The following ADAMTSL3 variants were observed in gnomAD, a reference collection of about 807,000 sequenced individuals.
The protein encoded by ADAMTSL3 is ADAMTS-like protein 3.
In ADAMTSL3, 128 loss-of-function variants were observed where a neutral mutation model predicts 201.7. The observed-to-expected ratio is 0.63, with a 90% confidence interval of 0.55 to 0.73. ADAMTSL3 has a LOEUF of 0.73. ADAMTSL3 is among the 30% of genes least tolerant of loss of function. The pLI is 0.00. For missense variants in ADAMTSL3, 1,990 were observed against 2,119.6 expected (o/e 0.94, Z 1.20); for synonymous variants, 738 against 748.4 (o/e 0.99, Z 0.23).
chr15:83,986,187 G>T (rs918166613), intron 21 of ADAMTSL3, among the ~76,000 whole-genome samples: 1 of 152,126 alleles, frequency 6.6e-6, no homozygotes, highest in Non-Finnish European at 1.5e-5. Flanking sequence ...CATGGACTAT[G>T]CTTTGAAGAC....
At chr15:83,882,240 A>G (rs1422150425) in intron 9 of ADAMTSL3, among the ~76,000 whole-genome samples, 2 of 152,154 alleles carry the variant, frequency 1.3e-5, no homozygotes, top group Non-Finnish European at 2.9e-5. Context: ...CATTGGGGAG[A>G]TTCATCAGAA....
chr15:83,685,469 A>G (rs189537735), intron 2 of ADAMTSL3, among the ~76,000 whole-genome samples: 3 of 152,336 alleles, frequency 2.0e-5, no homozygotes, highest in Admixed American at 1.3e-4. Flanking sequence ...GAATGGAAGG[A>G]TGATTACTGA....
intron 27 of ADAMTSL3, 128 bp from the exon 28 acceptor site, chr15:84,031,207 C>G (rs1276572771): frequency 1.3e-5 from 11 of 872,462 alleles, no homozygotes; most frequent in Non-Finnish European, 1.7e-5. Context: ...TTAACTCCCC[C>G]CTGGGGACAG....
intron 4 of ADAMTSL3, among the ~76,000 whole-genome samples, chr15:83,777,693 C>G (rs757467145): frequency 2.0e-5 from 3 of 152,204 alleles, no homozygotes; most frequent in Non-Finnish European, 4.4e-5. Context: ...AGAACCCTAA[C>G]AACTCAAAAA....
intron 3 of ADAMTSL3, among the ~76,000 whole-genome samples, chr15:83,751,246 A>G (rs1045909688): frequency 3.3e-5 from 5 of 152,238 alleles, no homozygotes; most frequent in Non-Finnish European, 5.9e-5. Context: ...CTTTGAGTCA[A>G]TGATGAATAT....
At chr15:84,037,114 C>T in intron 29 of ADAMTSL3, 127 bp downstream of exon 29, 7 of 1,005,706 alleles carry the variant, frequency 7.0e-6, no homozygotes, top group African/African-American at 1.6e-5. Context: ...AGGGGCTATT[C>T]AGAATGGATT....
intron 3 of ADAMTSL3, among the ~76,000 whole-genome samples, chr15:83,753,574 G>C (rs569797347): frequency 6.6e-6 from 1 of 152,134 alleles, no homozygotes; most frequent in African/African-American, 2.4e-5. Flanking sequence ...ATGTGAAATG[G>C]CTAACCATGG....
chr15:83,930,751 A>C (rs2066340253), intron 17 of ADAMTSL3, among the ~76,000 whole-genome samples: 1 of 152,222 alleles, frequency 6.6e-6, no homozygotes, highest in African/African-American at 2.4e-5. Context: ...GTTATATTGG[A>C]AAAAAACCAG....
rs574825824 is a variant in ADAMTSL3 at position 83,703,907 on chromosome 15, T to G, written c.70-482T>G. On this transcript the variant is annotated intron_variant, in intron 2 of 29. Transcript: ENST00000286744. Reference sequence around the variant, plus strand: ...GTTGAAAAGATTATGGGTGATTTTATTTTCTTCTGTGCTCATTTATATGTT... The same window carrying G: ...GTTGAAAAGATTATGGGTGATTTTAGTTTCTTCTGTGCTCATTTATATGTT... 1.4e-4 allele frequency among the ~76,000 whole-genome samples: 22 copies of G among 152,180 alleles called. No individual in the cohort carries two copies. The Middle Eastern group carries it at 0.017, about 118-fold the overall frequency.
intron 20 of ADAMTSL3, among the ~76,000 whole-genome samples, chr15:83,981,435 G>C (rs990002517): frequency 3.9e-5 from 6 of 152,208 alleles, no homozygotes; most frequent in African/African-American, 1.4e-4. Context: ...TTATATATGA[G>C]AGCTCATTAT....
intron 28 of ADAMTSL3, among the ~76,000 whole-genome samples, chr15:84,036,257 T>C (rs1458828201): frequency 1.3e-5 from 2 of 152,230 alleles, no homozygotes; most frequent in African/African-American, 2.4e-5. Context: ...TGGTCTTCAG[T>C]AGTTTCTGAC....
intron 16 of ADAMTSL3, among the ~76,000 whole-genome samples, chr15:83,920,889 T>C (rs2066129647): frequency 6.6e-6 from 1 of 152,196 alleles, no homozygotes; most frequent in Non-Finnish European, 1.5e-5. Flanking sequence ...TTTTTGGGAT[T>C]GAGGGGGAGC....
intron 10 of ADAMTSL3, among the ~76,000 whole-genome samples, chr15:83,885,795 G>A (rs1315659808): frequency 1.3e-5 from 2 of 151,978 alleles, no homozygotes; most frequent in Non-Finnish European, 1.5e-5. Context: ...CCAAATCTCG[G>A]CTCGCTGCAA....
In ADAMTSL3 at chr15:83,856,098, CGAT is replaced by C. The variant is rs1478633925; in HGVS notation, c.728-2665_728-2663del. 2.0e-5 allele frequency among the ~76,000 whole-genome samples: 3 copies of C among 150,766 alleles called. No homozygotes were observed. The East Asian group carries it at 5.8e-4, about 29-fold the overall frequency. ...TTCTTTACTTACCAGTTTTCAAAAA[CGAT>C]GAGCTGTTTGCTAGCCTCCTTAAAA... is the stretch of plus-strand genomic sequence containing the variant. On this transcript the variant is annotated intron_variant, in intron 7 of 29. Coordinates refer to ENST00000286744, the MANE Select transcript of ADAMTSL3 (RefSeq NM_207517.3).
At chr15:83,664,581 C>A (rs1021922439) in intron 2 of ADAMTSL3, among the ~76,000 whole-genome samples, 1 of 152,210 alleles carries the variant, frequency 6.6e-6, no homozygotes, top group African/African-American at 2.4e-5. Flanking sequence ...CCCATTTTTC[C>A]CATCTCAGAA....
At chr15:83,864,479 A>G (rs2141804119) in intron 8 of ADAMTSL3, among the ~76,000 whole-genome samples, 1 of 152,376 alleles carries the variant, frequency 6.6e-6, no homozygotes, top group South Asian at 2.1e-4. Context: ...CAATAAACGT[A>G]ATCCAGCATA....
chr15:83,732,416 G>A (rs2062293865), intron 3 of ADAMTSL3, among the ~76,000 whole-genome samples: 1 of 152,098 alleles, frequency 6.6e-6, no homozygotes, highest in Admixed American at 6.6e-5. Context: ...CCTAACAGAT[G>A]CTTCCTTTGT....
intron 3 of ADAMTSL3, among the ~76,000 whole-genome samples, chr15:83,727,818 A>G (rs924670931): frequency 6.6e-6 from 1 of 151,884 alleles, no homozygotes; most frequent in Non-Finnish European, 1.5e-5. Flanking sequence ...CCATGTGTTG[A>G]GGAGAAGAAA....
chr15:83,768,669 C>G (rs1480934489), intron 3 of ADAMTSL3, among the ~76,000 whole-genome samples: 1 of 152,128 alleles, frequency 6.6e-6, no homozygotes, highest in Non-Finnish European at 1.5e-5. Flanking sequence ...CATGGAAGCT[C>G]CAGGGAAGCA....
Sources: gnomAD v4.1 joint callset for allele counts (sites outside exome capture counted in the v4.1 genomes callset) on GRCh38, gnomAD v4.1.1 for gene constraint, MANE v1.5 for transcripts, NCBI Gene and HGNC (gene_info 2026-07-23, HGNC 2026-07-21) for gene names.